The following CHCHD6 variants were observed in gnomAD, a reference collection of about 807,000 sequenced individuals.
CHCHD6 encodes MICOS complex subunit MIC25.
Under a neutral mutation model 32.3 loss-of-function variants are expected in CHCHD6, and 28 were observed. That is an observed-to-expected ratio of 0.87 (90% CI 0.64 to 1.19). The LOEUF is 1.19. CHCHD6 is among the 50% of genes most tolerant of loss of function. The pLI is 0.00. For missense variants in CHCHD6, 333 were observed against 307.0 expected, an observed-to-expected ratio of 1.08 and a Z score of -0.63; for synonymous variants, 122 against 117.5, an observed-to-expected ratio of 1.04 and a Z score of -0.25.
At chr3:126,763,944 CA>C in intron 4 of CHCHD6, among the ~76,000 whole-genome samples, 1 of 152,070 alleles carries the variant, frequency 6.6e-6, no homozygotes, top group African/African-American at 2.4e-5. Flanking sequence ...GTATGCTTTA[CA>C]ATGGTTAAAA....
chr3:126,751,915 G>A (rs1005822708), intron 4 of CHCHD6, among the ~76,000 whole-genome samples: 2 of 152,208 alleles, frequency 1.3e-5, no homozygotes, highest in African/African-American at 4.8e-5. Flanking sequence ...AGGTTTACCA[G>A]TTATGCCCCT....
rs1341558620 is a variant in CHCHD6, at chr3:126,766,471, ATCT to A, written c.411+33253_411+33255del. 8 of 713,996 alleles carry A rather than the reference ATCT, an allele frequency of 1.1e-5. No individual in the cohort carries two copies. The African/African-American group carries it at 1.4e-4, about 12-fold the overall frequency. 44.2% of individuals were successfully genotyped at this position (713,996 alleles called of 1,614,324 possible). A position where few individuals can be genotyped will look rare whatever the true frequency, so the allele number is the denominator to read the frequency against. Reference sequence around the variant, plus strand: ...GCGGTTGTATTCTGGTAGTTTCTTGATCTTCTCTTTCTCGGTCTCACTTTTGTC... The same window carrying A: ...GCGGTTGTATTCTGGTAGTTTCTTGATCTCTTTCTCGGTCTCACTTTTGTC... On this transcript the variant is annotated intron_variant, in intron 4 of 7. Transcript: ENST00000290913.
At chr3:126,802,650 A>T (rs1364174999) in intron 4 of CHCHD6, among the ~76,000 whole-genome samples, 1 of 152,228 alleles carries the variant, frequency 6.6e-6, no homozygotes, top group Non-Finnish European at 1.5e-5. Flanking sequence ...GCAGGATATT[A>T]TCCAGGAGAG....
chr3:126,800,230 C>G (rs1308864776), intron 4 of CHCHD6, among the ~76,000 whole-genome samples: 1 of 152,158 alleles, frequency 6.6e-6, no homozygotes, highest in Non-Finnish European at 1.5e-5. Context: ...TTGAGGGCAT[C>G]TGGGCTGTGT....
chr3:126,797,561 G>A (rs1236664969), intron 4 of CHCHD6, among the ~76,000 whole-genome samples: 1 of 152,156 alleles, frequency 6.6e-6, no homozygotes, highest in Non-Finnish European at 1.5e-5. Flanking sequence ...CATTCTTAAT[G>A]CCTATCTTGG....
chr3:126,771,432 T>TGACCTCGTGATCTTGATCCGCC (rs1937540961), intron 4 of CHCHD6, among the ~76,000 whole-genome samples: 1 of 152,068 alleles, frequency 6.6e-6, no homozygotes, highest in African/African-American at 2.4e-5. Flanking sequence ...CTTGATCTCC[T>TGACCTCGTGATCTTGATCCGCC]GACCTCGTGA....
intron 4 of CHCHD6, among the ~76,000 whole-genome samples, chr3:126,821,253 GA>G (rs1476235052): frequency 6.6e-6 from 1 of 152,170 alleles, no homozygotes; most frequent in Non-Finnish European, 1.5e-5. Context: ...GGTTGTTTAA[GA>G]ACATTTAAAA....
chr3:126,908,569 C>G (rs1426724592), intron 5 of CHCHD6, among the ~76,000 whole-genome samples: 1 of 152,226 alleles, frequency 6.6e-6, no homozygotes, highest in African/African-American at 2.4e-5. Context: ...TGCTCTCTGC[C>G]AGGCACTGTT....
intron 5 of CHCHD6, among the ~76,000 whole-genome samples, chr3:126,865,088 C>T (rs1576523604): frequency 1.6e-5 from 2 of 126,190 alleles, no homozygotes; most frequent in African/African-American, 1.1e-4. Flanking sequence ...CCACTTCTTC[C>T]TCCTCCTCCT....
At chr3:126,958,592 C>G (rs1367170357) in intron 7 of CHCHD6, among the ~76,000 whole-genome samples, 1 of 152,214 alleles carries the variant, frequency 6.6e-6, no homozygotes, top group Non-Finnish European at 1.5e-5. Flanking sequence ...ACCCATCTGC[C>G]AAGGCTGATT....
chr3:126,960,150 T>C lies in CHCHD6; in HGVS notation c.703-46T>C. On this transcript the variant is annotated intron_variant, in intron 7 of 7. Coordinates refer to ENST00000290913, the MANE Select transcript of CHCHD6 (RefSeq NM_032343.3). ...GCGATCTGCACGGAGCTGGAGGGCATGGGCGGAGTGGGCCCTGACTCAACT... is the reference window on the plus strand; with the variant it reads ...GCGATCTGCACGGAGCTGGAGGGCACGGGCGGAGTGGGCCCTGACTCAACT... The C allele has an allele frequency of 1.9e-6, 3 of 1,551,044 alleles. No individual in the cohort carries two copies. In the South Asian group the frequency reaches 3.6e-5, roughly 18 times the overall value.
At position 126,787,237 on chromosome 3, in the gene CHCHD6, A is replaced by G. The variant is rs1274082366; in HGVS notation, c.411+54015A>G. On this transcript the variant is annotated intron_variant, in intron 4 of 7. Transcript: ENST00000290913. ...GTTTTGGTTACTGTAGCCTTGTAGT[A>G]TAGTTTGAAGTCAGGTAGCATGATG... 3.6e-4 allele frequency among the ~76,000 whole-genome samples: 55 copies of G among 152,296 alleles called. No individual in the cohort carries two copies. In the East Asian group the frequency reaches 0.01, roughly 28 times the overall value.
At chr3:126,789,129 G>C (rs1938387683) in intron 4 of CHCHD6, among the ~76,000 whole-genome samples, 1 of 152,034 alleles carries the variant, frequency 6.6e-6, no homozygotes, top group Non-Finnish European at 1.5e-5. Context: ...TAGTTGAGCA[G>C]TTTTGAGTGA....
intron 4 of CHCHD6, among the ~76,000 whole-genome samples, chr3:126,764,768 C>A (rs760275166): frequency 6.6e-6 from 1 of 152,172 alleles, no homozygotes; most frequent in Non-Finnish European, 1.5e-5. Flanking sequence ...TCCAGGCAAA[C>A]GGATCAGGCT....
intron 4 of CHCHD6, among the ~76,000 whole-genome samples, chr3:126,796,644 G>A (rs1385601982): frequency 6.6e-6 from 1 of 152,160 alleles, no homozygotes. Context: ...GAAGGCCTCT[G>A]TCAGCATTGT....
At chr3:126,870,374 C>G (rs116676673) in intron 5 of CHCHD6, among the ~76,000 whole-genome samples, 1,809 of 152,346 alleles carry the variant, frequency 0.012, 20 homozygotes, top group Middle Eastern at 0.048. Context: ...CAGCATCCAC[C>G]TGCAGCCCCC....
chr3:126,883,778 T>A (rs2077643114), intron 5 of CHCHD6, among the ~76,000 whole-genome samples: 1 of 152,256 alleles, frequency 6.6e-6, no homozygotes, highest in African/African-American at 2.4e-5. Flanking sequence ...GCAATAATGC[T>A]TAGTATCTGT....
chr3:126,788,894 G>T (rs1938374026), intron 4 of CHCHD6, among the ~76,000 whole-genome samples: 1 of 152,072 alleles, frequency 6.6e-6, no homozygotes, highest in South Asian at 2.1e-4. Flanking sequence ...TGCTTCTCTA[G>T]TTCTTTTAAT....
rs1487920706 is a variant in CHCHD6, at chr3:126,949,028, T to C, written c.567-8388T>C. On this transcript the variant is annotated intron_variant, in intron 6 of 7. Transcript: ENST00000290913. The stretch of plus-strand genomic sequence containing the variant: ...AATAAAGGGGCATCTCTGCCTTACC[T>C]GAGAGTCCTGCTGTGTGAAGTCAGT... Among the ~76,000 whole-genome samples, 7 of 152,266 alleles carry C rather than the reference T, an allele frequency of 4.6e-5. No individual in the cohort carries two copies. In the East Asian group the frequency reaches 1.3e-3, roughly 29 times the overall value.
Sources: gnomAD v4.1 joint callset for allele counts (sites outside exome capture counted in the v4.1 genomes callset) on GRCh38, gnomAD v4.1.1 for gene constraint, MANE v1.5 for transcripts, NCBI Gene and HGNC (gene_info 2026-07-23, HGNC 2026-07-21) for gene names.